The following PRDM7 variants were observed in gnomAD, a reference collection of about 807,000 sequenced individuals.
PRDM7 encodes the protein histone-lysine N-methyltransferase PRDM7.
A neutral mutation model predicts 64.3 loss-of-function variants in PRDM7; 52 were observed. The observed-to-expected ratio is 0.81, with a 90% CI of 0.65 to 1.02. The LOEUF (loss-of-function observed/expected upper bound fraction) is 1.02. Among genes scored for constraint, PRDM7 ranks in the 50% least tolerant of loss-of-function variants. The pLI is 0.00. For missense variants in PRDM7, 574 were observed against 597.1 expected, an observed-to-expected ratio of 0.96 and a Z score of 0.40; for synonymous variants, 192 against 210.1, an observed-to-expected ratio of 0.91 and a Z score of 0.74.
chr16:90,067,917 C>A (rs11641713), intron 4 of PRDM7, among the ~76,000 whole-genome samples: 7,027 of 151,130 alleles, frequency 0.046, 313 homozygotes, highest in East Asian at 0.15. Context: ...ACATCATAGT[C>A]GATGATGAAA....
chr16:90,063,411 C>G (rs907130662), intron 6 of PRDM7, among the ~76,000 whole-genome samples: 1 of 152,112 alleles, frequency 6.6e-6, no homozygotes, highest in Non-Finnish European at 1.5e-5. Context: ...GCACTCCAGC[C>G]TGGGTGACAG....
Position 90,057,537 on chromosome 16 carries a change from G to C in PRDM7, c.*752C>G, listed in dbSNP as rs55871953. The C allele has an allele frequency of 3.4e-3, 982 of 287,998 alleles. 8 individuals carry two copies. Among genetic ancestry groups the C allele is most frequent in the African/African-American group, 0.021 (941 of 45,652 alleles). The allele number at this position is 287,998 out of a possible 1,614,324, so 17.8% of individuals were successfully genotyped here. A position where few individuals can be genotyped will look rare whatever the true frequency, so the allele number is the denominator to read the frequency against. On this transcript the variant is annotated 3_prime_UTR_variant, in exon 11 of 11. Coordinates refer to ENST00000449207, the MANE Select transcript of PRDM7 (RefSeq NM_001098173.2). ...CACACTTGGGGTTCAGATATGTATG[G>C]AGACAAAATTAATTAGAACAGGAGG...
rs1424430581 is a variant in PRDM7, at chr16:90,075,829, C to G, written c.69+13G>C. ...CCTGCTGGGAGTCTGGCTTCGCCTCCCCGACTTCTCACCATGGGCTTCCGC... is the reference window on the plus strand; with the variant it reads ...CCTGCTGGGAGTCTGGCTTCGCCTCGCCGACTTCTCACCATGGGCTTCCGC... On this transcript the variant is annotated intron_variant, in intron 2 of 10. Coordinates refer to ENST00000449207, the MANE Select transcript of PRDM7 (RefSeq NM_001098173.2). This position sits in a 1 kb window ranked among gnomAD's most constrained non-coding sequence, Gnocchi z 4.3. 6 of 1,613,134 alleles carry G rather than the reference C, an allele frequency of 3.7e-6. No homozygotes were observed. The African/African-American group carries it at 5.3e-5, about 14-fold the overall frequency.
chr16:90,065,012 T>G, intron 5 of PRDM7, among the ~76,000 whole-genome samples: 1 of 150,778 alleles, frequency 6.6e-6, no homozygotes, highest in Non-Finnish European at 1.5e-5. Context: ...AGCCACTGCC[T>G]CCGGCACTAA....
rs140053041 is a variant in PRDM7 at position 90,057,700 on chromosome 16, C to T, written c.*589G>A. 9.5e-4 allele frequency: 1,134 copies of T among 1,188,698 alleles called. 9 individuals carry two copies. In the African/African-American group the frequency reaches 0.017, roughly 17 times the overall value. The allele number at this position is 1,188,698 out of a possible 1,614,324, so 73.6% of individuals were successfully genotyped here. ...GCGGATTTGTTTAATTAGTTATTTC[C>T]GATCTCTTTACACTCTCGGGGAATG... On this transcript the variant is annotated 3_prime_UTR_variant, in exon 11 of 11. Coordinates refer to ENST00000449207, the MANE Select transcript of PRDM7 (RefSeq NM_001098173.2).
At position 90,061,987 on chromosome 16, in the gene PRDM7, G is replaced by A. The variant is rs376519199; in HGVS notation, c.816C>T (p.His272=). The A allele has an allele frequency of 1.2e-6, 2 of 1,614,258 alleles. No homozygotes were observed. Among genetic ancestry groups the A allele is most frequent in the Non-Finnish European group, 1.7e-6 (2 of 1,180,054 alleles). Residue 272 remains histidine, a synonymous_variant, in exon 8 of 11, where the codon CAC becomes CAT. Transcript: ENST00000449207. ...NEASDLPLGL[H]FGPYEGRITE... is the part of the protein sequence containing the mutation. ...TAATTCGGCCCTCATAGGGGCCAAAGTGCAGACCCAGTGGCAGATCAGATG... is the reference window on the plus strand; with the variant it reads ...TAATTCGGCCCTCATAGGGGCCAAAATGCAGACCCAGTGGCAGATCAGATG...
At position 90,062,212 on chromosome 16, in the gene PRDM7, G is replaced by C; in HGVS notation, c.611-20C>G. 1 of 1,614,248 alleles carries C rather than the reference G, an allele frequency of 6.2e-7. No homozygotes were observed. The highest frequency in any genetic ancestry group is 8.5e-7 in the Non-Finnish European group (1 of 1,180,042). On this transcript the variant is annotated intron_variant, in intron 7 of 10. Transcript: ENST00000449207. ...CACAATCTGGAAGTGAGGGAAGCAG[G>C]GATTAGGAAAGTTGTAATGCATGTT...
rs1187631067 is a variant in PRDM7, at chr16:90,057,746, G to A, written c.*543C>T. ...GAATGTAAGGGGTTAGCAGACTTTC[G>A]CTGAAGCCACCTCAGAGCTGGGGTG... On this transcript the variant is annotated 3_prime_UTR_variant, in exon 11 of 11. Transcript: ENST00000449207. 9 of 1,271,098 alleles carry A rather than the reference G, an allele frequency of 7.1e-6. No individual in the cohort carries two copies. Among genetic ancestry groups the A allele is most frequent in the South Asian group, 1.4e-5 (1 of 72,914 alleles). The allele number at this position is 1,271,098 out of a possible 1,614,324, so 78.7% of individuals were successfully genotyped here. A position where few individuals can be genotyped will look rare whatever the true frequency, so the allele number is the denominator to read the frequency against.
intron 5 of PRDM7, among the ~76,000 whole-genome samples, chr16:90,065,619 C>T (rs1176516617): frequency 4.6e-5 from 7 of 150,654 alleles, no homozygotes; most frequent in Admixed American, 4.6e-4. Context: ...CCTGTGGTCC[C>T]AGCTACTCAG....
Position 90,060,467 on chromosome 16 carries a change from A to G in PRDM7, c.1107T>C (p.Ser369=). Residue 369 remains serine (S), a synonymous_variant, in exon 10 of 11, where the codon TCT becomes TCC. Coordinates refer to ENST00000449207, the MANE Select transcript of PRDM7 (RefSeq NM_001098173.2). ...CTAATGACTCGGCAGGTTCTATAGA[A>G]GATCTGATGCCCAGTTCCTGGCCAT... The part of the protein sequence containing the change: ...DEYGQELGIR[S]SIEPAESLGQ... The G allele has an allele frequency of 6.2e-7, 1 of 1,613,364 alleles. No individual in the cohort carries two copies. Among genetic ancestry groups the G allele is most frequent in the Non-Finnish European group, 8.5e-7 (1 of 1,179,722 alleles).
chr16:90,075,318 C>T lies in PRDM7; in HGVS notation c.193+33G>A. The T allele has an allele frequency of 6.2e-7, 1 of 1,614,148 alleles. No individual in the cohort carries two copies. Among genetic ancestry groups the T allele is most frequent in the Non-Finnish European group, 8.5e-7 (1 of 1,179,992 alleles). ...GGACCAAAGACCTGTTTTATATCGCCCAGGCTGGTCTGTGCCCAGCACTTC... is the reference window on the plus strand; with the variant it reads ...GGACCAAAGACCTGTTTTATATCGCTCAGGCTGGTCTGTGCCCAGCACTTC... On this transcript the variant is annotated intron_variant, in intron 3 of 10. Coordinates refer to ENST00000449207, the MANE Select transcript of PRDM7 (RefSeq NM_001098173.2). This position sits in a 1 kb window ranked among gnomAD's most constrained non-coding sequence, Gnocchi z 4.3.
chr16:90,073,108 TG>T (rs933664738), intron 4 of PRDM7, among the ~76,000 whole-genome samples: 7 of 152,136 alleles, frequency 4.6e-5, no homozygotes, highest in African/African-American at 1.7e-4. Flanking sequence ...CAGTGACATA[TG>T]GGAAAGATCA....
intron 1 of PRDM7, among the ~76,000 whole-genome samples, 164 bp downstream of exon 1, chr16:90,077,062 C>T (rs1463734856): frequency 6.6e-6 from 1 of 151,882 alleles, no homozygotes; most frequent in African/African-American, 2.4e-5. Flanking sequence ...TTTGGGGTCT[C>T]TGAAGCTGAG....
chr16:90,075,211 A>G lies in PRDM7; in HGVS notation c.193+140T>C. On this transcript the variant is annotated intron_variant, in intron 3 of 10. Transcript: ENST00000449207. This position sits in a 1 kb window ranked among gnomAD's most constrained non-coding sequence, Gnocchi z 4.3. ...ACACAACCCTGCACTGACGCAAAAG[A>G]ACAATATTTCCCTCCAGATTTGTCT... 6.6e-7 allele frequency: 1 copy of G among 1,511,940 alleles called. No homozygotes were observed. The highest frequency in any genetic ancestry group is 9.1e-7 in the Non-Finnish European group (1 of 1,098,916). The allele number at this position is 1,511,940 out of a possible 1,614,324, so 93.7% of individuals were successfully genotyped here.
intron 4 of PRDM7, among the ~76,000 whole-genome samples, 156 bp from the exon 5 acceptor site, chr16:90,067,066 G>A (rs2037886514): frequency 6.6e-6 from 1 of 151,120 alleles, no homozygotes; most frequent in Non-Finnish European, 1.5e-5. Flanking sequence ...CCGGATTCAA[G>A]CAATTCTCCT....
In PRDM7 at chr16:90,062,208, G is replaced by C; in HGVS notation, c.611-16C>G. 1 of 1,614,272 alleles carries C rather than the reference G, an allele frequency of 6.2e-7. No homozygotes were observed. Among genetic ancestry groups the C allele is most frequent in the Non-Finnish European group, 8.5e-7 (1 of 1,180,044 alleles). On this transcript the variant is annotated splice_polypyrimidine_tract_variant and intron_variant, in intron 7 of 10. Transcript: ENST00000449207. ...ATCTCACAATCTGGAAGTGAGGGAA[G>C]CAGGGATTAGGAAAGTTGTAATGCA...
chr16:90,061,398 G>A (rs1428888179), intron 9 of PRDM7, 54 bp downstream of exon 9: 23 of 1,517,364 alleles, frequency 1.5e-5, no homozygotes, highest in African/African-American at 9.7e-5. Flanking sequence ...AAGGAAGTCC[G>A]GGTTTGTGAG....
chr16:90,061,343 G>T, intron 9 of PRDM7, 109 bp downstream of exon 9: 2 of 1,138,708 alleles, frequency 1.8e-6, no homozygotes, highest in Non-Finnish European at 1.3e-6. Flanking sequence ...GAGAAAAATA[G>T]AAATAGGGGA....
intron 1 of PRDM7, among the ~76,000 whole-genome samples, chr16:90,076,693 T>G (rs2151315486): frequency 6.6e-6 from 1 of 152,090 alleles, no homozygotes; most frequent in East Asian, 1.9e-4. Flanking sequence ...GGTGCTCTAG[T>G]TGACAGGATT....
Sources: allele counts gnomAD v4.1 joint callset (sites outside exome capture counted in the v4.1 genomes callset), GRCh38; gene constraint gnomAD v4.1.1; non-coding constraint Gnocchi (gnomAD v3.1); transcripts MANE v1.5; gene names NCBI Gene and HGNC (gene_info 2026-07-23, HGNC 2026-07-21).